STK3: variants seen among roughly 807,000 people sequenced by gnomAD.
STK3 encodes serine/threonine kinase 3.
In STK3, 41 loss-of-function variants were observed where a neutral mutation model predicts 58.0. The observed-to-expected ratio is 0.71, with a 90% confidence interval of 0.55 to 0.92. STK3 has a LOEUF of 0.92. Ranked by LOEUF, STK3 falls within the 40% of genes least tolerant of loss-of-function variation. The pLI is 0.00. For synonymous variants in STK3, 170 were observed against 191.0 expected (o/e 0.89, Z 0.91); for missense variants, 479 against 602.7 (o/e 0.79, Z 2.15).
At chr8:98,355,519 A>G in the STK3 span, among the ~76,000 whole-genome samples, 1 of 152,232 alleles carries the variant, frequency 6.6e-6, no homozygotes, top group Non-Finnish European at 1.5e-5. Context: ...ACATGATAGC[A>G]ACTGCTGGGG....
chr8:98,527,002 C>G, intron 9 of STK3, 85 bp from the exon 10 acceptor site: 1 of 1,190,980 alleles, frequency 8.4e-7, no homozygotes, highest in Non-Finnish European at 1.1e-6. Context: ...TTTTATGAAG[C>G]CATATAATAA....
chr8:98,548,133 A>G lies in STK3; in HGVS notation c.977T>C (p.Met326Thr). ...CACACTCTCCACACTAGTCTTCACC[A>G]TGGTGTGGGAATCCAGCTCATCTTC... Reference protein sequence around the residue: ...SDEDELDSHTMVKTSVESVGT... With the variant: ...SDEDELDSHTTVKTSVESVGT... Residue 326 changes from methionine (M) to threonine (T), a missense_variant, in exon 9 of 11, where the codon ATG (methionine) becomes ACG (threonine). Coordinates refer to ENST00000419617, the MANE Select transcript of STK3 (RefSeq NM_006281.4). The G allele has an allele frequency of 6.3e-7, 1 of 1,575,378 alleles. No individual in the cohort carries two copies. Among genetic ancestry groups the G allele is most frequent in the Non-Finnish European group, 8.6e-7 (1 of 1,162,872 alleles).
At chr8:98,704,771 T>C (rs1325219333) in intron 6 of STK3, among the ~76,000 whole-genome samples, 1 of 152,180 alleles carries the variant, frequency 6.6e-6, no homozygotes, top group African/African-American at 2.4e-5. Flanking sequence ...AAATTTAACA[T>C]GTTGAACTAT....
At chr8:98,712,327 C>T (rs1018050454) in intron 4 of STK3, among the ~76,000 whole-genome samples, 19 of 152,276 alleles carry the variant, frequency 1.2e-4, no homozygotes, top group African/African-American at 3.4e-4. Context: ...AATTAAAAGA[C>T]ACAGACTGGC....
In STK3 at chr8:98,553,542, T is replaced by C. The variant is rs573867803; in HGVS notation, c.949-5381A>G. On this transcript the variant is annotated intron_variant, in intron 8 of 10. Transcript: ENST00000419617. ...CATGTTCTTATTATAAAACATAGAA[T>C]AGCTATTAAAGATATTATACTTTGG... 3.3e-5 allele frequency: 5 copies of C among 152,304 alleles called. No homozygotes were observed. In the East Asian group the frequency reaches 5.8e-4, roughly 18 times the overall value. 9.4% of individuals were successfully genotyped at this position (152,304 alleles called of 1,614,324 possible).
At chr8:98,427,002 G>C (rs1451834325) in intron 3 of STK3, 2 of 150,138 alleles carry the variant, frequency 1.3e-5, no homozygotes, top group Non-Finnish European at 3.0e-5. Flanking sequence ...CGTCACACCC[G>C]CTCTGCTCCC....
chr8:98,426,023 C>A (rs1818228811), intron 3 of STK3, among the ~76,000 whole-genome samples: 1 of 152,138 alleles, frequency 6.6e-6, no homozygotes, highest in African/African-American at 2.4e-5. Context: ...GTAGGCAGGG[C>A]CTTAAGGACA....
At chr8:98,600,384 T>C (rs1036091679) in intron 6 of STK3, among the ~76,000 whole-genome samples, 1 of 152,198 alleles carries the variant, frequency 6.6e-6, no homozygotes, top group African/African-American at 2.4e-5. Context: ...GAATTTTAAA[T>C]AGATTAATAC....
At chr8:98,811,505 A>G (rs1309712552) in intron 1 of STK3, among the ~76,000 whole-genome samples, 1 of 150,264 alleles carries the variant, frequency 6.7e-6, no homozygotes, top group African/African-American at 2.4e-5. Flanking sequence ...CAAGGATGAT[A>G]TGCAAATTCA....
At chr8:98,663,292 A>G (rs1203759070) in intron 6 of STK3, among the ~76,000 whole-genome samples, 1 of 152,234 alleles carries the variant, frequency 6.6e-6, no homozygotes, top group Non-Finnish European at 1.5e-5. Context: ...ACTGGCCATC[A>G]GAGAAATGCA....
intron 3 of STK3, among the ~76,000 whole-genome samples, chr8:98,869,393 C>T (rs1168349538): frequency 6.6e-6 from 1 of 152,138 alleles, no homozygotes; most frequent in African/African-American, 2.4e-5. Context: ...TGCACTCCAT[C>T]CTGGGCAACA....
At chr8:98,397,126 C>A (rs73699303), downstream of STK3, among the ~76,000 whole-genome samples, 11,682 of 152,202 alleles carry the variant, frequency 0.077, 711 homozygotes, top group African/African-American at 0.17. Flanking sequence ...AAACAGTTCA[C>A]AGTAGTGTTC....
At chr8:98,802,043 G>A (rs949845535) in intron 1 of STK3, among the ~76,000 whole-genome samples, 1 of 152,098 alleles carries the variant, frequency 6.6e-6, no homozygotes, top group Non-Finnish European at 1.5e-5. Context: ...ATAGTAATGG[G>A]TGCCTGTAGT....
downstream of STK3, among the ~76,000 whole-genome samples, chr8:98,370,664 A>G (rs1354297058): frequency 6.6e-6 from 1 of 152,182 alleles, no homozygotes; most frequent in Non-Finnish European, 1.5e-5. Context: ...AGGGGCCCAC[A>G]TCATCCAGGA....
chr8:98,923,655 G>A (rs1351200300), intron 1 of STK3, among the ~76,000 whole-genome samples: 1 of 152,080 alleles, frequency 6.6e-6, no homozygotes, highest in African/African-American at 2.4e-5. Context: ...CACAGTACAA[G>A]GGTGAATGGT....
intron 1 of STK3, among the ~76,000 whole-genome samples, chr8:98,386,183 T>C (rs1817789977): frequency 6.6e-6 from 1 of 152,198 alleles, no homozygotes; most frequent in East Asian, 1.9e-4. Flanking sequence ...ATGATATATA[T>C]ATTTGCCATT....
At chr8:98,768,315 C>T (rs1279167251) in intron 2 of STK3, among the ~76,000 whole-genome samples, 1 of 152,136 alleles carries the variant, frequency 6.6e-6, no homozygotes, top group Non-Finnish European at 1.5e-5. Flanking sequence ...TATTTTTCTA[C>T]AGAAGAGAAA....
Position 98,455,816 on chromosome 8 carries a change from A to G in STK3, c.*26T>C. On this transcript the variant is annotated 3_prime_UTR_variant, in exon 11 of 11. Coordinates refer to ENST00000419617, the MANE Select transcript of STK3 (RefSeq NM_006281.4). ...CTAGTGGTTTCTTGGTCTCCAGAATAGTTAAAAACAGAGAGGAAATTAGAC... is the reference window on the plus strand; with the variant it reads ...CTAGTGGTTTCTTGGTCTCCAGAATGGTTAAAAACAGAGAGGAAATTAGAC... 6.2e-7 allele frequency: 1 copy of G among 1,611,894 alleles called. No individual in the cohort carries two copies. The highest frequency in any genetic ancestry group is 8.5e-7 in the Non-Finnish European group (1 of 1,178,982).
At chr8:98,503,121 T>G (rs1401908783) in intron 10 of STK3, among the ~76,000 whole-genome samples, 1 of 152,134 alleles carries the variant, frequency 6.6e-6, no homozygotes, top group African/African-American at 2.4e-5. Context: ...TTCTTCCTGG[T>G]TTTTTGGTCT....
Sources: gnomAD v4.1 joint callset for allele counts (sites outside exome capture counted in the v4.1 genomes callset) on GRCh38, gnomAD v4.1.1 for gene constraint, MANE v1.5 for transcripts, NCBI Gene and HGNC (gene_info 2026-07-23, HGNC 2026-07-21) for gene names.